DAB1: variants seen among roughly 807,000 people sequenced by gnomAD.
DAB1 encodes disabled homolog 1.
A neutral mutation model predicts 64.6 loss-of-function variants in DAB1; 15 were observed. That is an observed-to-expected ratio of 0.23 (90% CI 0.16 to 0.36). The LOEUF is 0.36. DAB1 is among the 10% of genes least tolerant of loss of function. The pLI is 1.00. For synonymous variants in DAB1, 235 were observed against 251.9 expected (o/e 0.93, Z 0.64); for missense variants, 596 against 706.7 (o/e 0.84, Z 1.78).
At chr1:57,241,618 C>A (rs1444759212) in intron 2 of DAB1, among the ~76,000 whole-genome samples, 1 of 152,192 alleles carries the variant, frequency 6.6e-6, no homozygotes. Context: ...GTACCACTGC[C>A]ACCAAGGTTT....
At chr1:58,316,726 T>A (rs1007897799) in intron 4 of DAB1, among the ~76,000 whole-genome samples, 1 of 152,144 alleles carries the variant, frequency 6.6e-6, no homozygotes, top group Non-Finnish European at 1.5e-5. Context: ...CCCAGTACAC[T>A]TGTTACCCCT....
intron 1 of DAB1, among the ~76,000 whole-genome samples, chr1:57,322,454 T>C (rs1409198293): frequency 6.6e-6 from 1 of 152,148 alleles, no homozygotes; most frequent in Non-Finnish European, 1.5e-5. Flanking sequence ...TCCATTCCCA[T>C]GAAATCTGGG....
At chr1:57,298,120 T>C (rs1003729198) in intron 1 of DAB1, among the ~76,000 whole-genome samples, 1 of 152,194 alleles carries the variant, frequency 6.6e-6, no homozygotes, top group Admixed American at 6.5e-5. Context: ...TGTCAATCTT[T>C]TTTTTTTATT....
intron 6 of DAB1, among the ~76,000 whole-genome samples, chr1:57,745,924 G>A (rs1648242912): frequency 6.6e-6 from 1 of 152,094 alleles, no homozygotes. Flanking sequence ...TTATCTTTAT[G>A]AGTGGCTTAA....
At chr1:57,351,712 A>G (rs1678604250) in intron 1 of DAB1, among the ~76,000 whole-genome samples, 1 of 152,048 alleles carries the variant, frequency 6.6e-6, no homozygotes, top group Non-Finnish European at 1.5e-5. Context: ...ATTTTTCCAG[A>G]GCAGGGTGGA....
intron 4 of DAB1, among the ~76,000 whole-genome samples, chr1:58,296,246 A>AAAGAAAGG (rs1370713393): frequency 6.7e-6 from 1 of 150,092 alleles, no homozygotes; most frequent in Non-Finnish European, 1.5e-5. Context: ...AGAAAGAAAG[A>AAAGAAAGG]AAGAAAGAAA....
intron 7 of DAB1, among the ~76,000 whole-genome samples, chr1:57,491,984 A>AT (rs1644171379): frequency 6.6e-6 from 1 of 152,192 alleles, no homozygotes; most frequent in Non-Finnish European, 1.5e-5. Context: ...AATGTGACTG[A>AT]CACATTCGGC....
intron 2 of DAB1, among the ~76,000 whole-genome samples, chr1:57,147,062 A>G (rs1484612924): frequency 6.8e-6 from 1 of 147,348 alleles, no homozygotes; most frequent in Non-Finnish European, 1.5e-5. Flanking sequence ...ACAGTATCTC[A>G]CTTCATCACC....
chr1:57,732,602 T>C (rs1007128994), intron 6 of DAB1, among the ~76,000 whole-genome samples: 3 of 152,214 alleles, frequency 2.0e-5, no homozygotes, highest in African/African-American at 7.2e-5. Flanking sequence ...TACTGATTCC[T>C]AAGGACAGTT....
intron 2 of DAB1, among the ~76,000 whole-genome samples, chr1:57,252,329 G>C (rs531919776): frequency 1.6e-4 from 25 of 152,152 alleles, no homozygotes; most frequent in Non-Finnish European, 7.3e-5. Context: ...TTAGCAACTC[G>C]TAGCTTACCC....
intron 1 of DAB1, among the ~76,000 whole-genome samples, chr1:57,420,908 T>C (rs1684839432): frequency 6.6e-6 from 1 of 152,226 alleles, no homozygotes; most frequent in South Asian, 2.1e-4. Context: ...TAAAGTGCCA[T>C]CTAAGAGACA....
intron 3 of DAB1, among the ~76,000 whole-genome samples, chr1:58,495,612 T>G (rs990734366): frequency 6.6e-6 from 1 of 152,076 alleles, no homozygotes. Flanking sequence ...TTCCTGATTG[T>G]CAGTAGATTC....
intron 2 of DAB1, among the ~76,000 whole-genome samples, chr1:58,506,672 TTC>T (rs1213408652): frequency 6.6e-6 from 1 of 152,180 alleles, no homozygotes; most frequent in Non-Finnish European, 1.5e-5. Context: ...AAATTAAAAA[TTC>T]TGTTTTCATA....
Position 57,775,261 on chromosome 1 carries a change from T to G in DAB1, n.551+108738A>C, listed in dbSNP as rs146438740. Among the ~76,000 whole-genome samples the G allele has an allele frequency of 3.5e-3, 530 of 151,718 alleles. 1 individual carries two copies. Among genetic ancestry groups the G allele is most frequent in the African/African-American group, 0.012 (495 of 41,538 alleles). On this transcript the variant is annotated intron_variant and non_coding_transcript_variant, in intron 6 of 20. Transcript: ENST00000485760. ...CTTTATTGTTTGCCTGGTTTCTGTT[T>G]CACTGATTTCTGCTCTTCTCTTTAT... is the stretch of plus-strand genomic sequence containing the variant.
intron 6 of DAB1, among the ~76,000 whole-genome samples, chr1:57,729,644 T>C (rs937127095): frequency 6.6e-6 from 1 of 152,240 alleles, no homozygotes; most frequent in Non-Finnish European, 1.5e-5. Flanking sequence ...GAGAATGGCA[T>C]GCTGGCAGGC....
intron 2 of DAB1, among the ~76,000 whole-genome samples, chr1:57,173,983 C>T (rs909071268): frequency 3.9e-5 from 6 of 152,132 alleles, no homozygotes; most frequent in African/African-American, 1.4e-4. Context: ...CTTATGAAGT[C>T]CCTGGATTGG....
At chr1:57,890,456 C>CTTTTTTTTTTTTTTTTTTTTT (rs71246207) in intron 5 of DAB1, among the ~76,000 whole-genome samples, 4 of 136,616 alleles carry the variant, frequency 2.9e-5, no homozygotes, top group Admixed American at 7.6e-5. Context: ...CTTTTCTTTT[C>CTTTTTTTTTTTTTTTTTTTTT]TTTTTTTTTT....
At chr1:58,108,122 A>G (rs1651770278) in intron 5 of DAB1, among the ~76,000 whole-genome samples, 2 of 152,182 alleles carry the variant, frequency 1.3e-5, no homozygotes, top group South Asian at 4.1e-4. Flanking sequence ...TTCTGAGAGC[A>G]AGGGGGAGCC....
In DAB1 at chr1:57,704,370, CTAATT is replaced by C. The variant is rs568503447; in HGVS notation, n.552-54710_552-54706del. ...CTCATATTACTCCCATCTGATGTAA[CTAATT>C]TAAGGTAACCCCTGGCCTCTGAGCA... On this transcript the variant is annotated intron_variant and non_coding_transcript_variant, in intron 6 of 20. Coordinates refer to the DAB1 transcript ENST00000485760. 2.3e-4 allele frequency among the ~76,000 whole-genome samples: 35 copies of C among 152,254 alleles called. 1 individual carries two copies. Among genetic ancestry groups the C allele is most frequent in the Middle Eastern group, 6.8e-3 (2 of 294 alleles).
Sources: gnomAD v4.1 joint callset for allele counts (sites outside exome capture counted in the v4.1 genomes callset) on GRCh38, gnomAD v4.1.1 for gene constraint, MANE v1.5 for transcripts, NCBI Gene and HGNC (gene_info 2026-07-23, HGNC 2026-07-21) for gene names.